Variants in APTX observed in about 807,000 individuals in gnomAD.
The protein encoded by APTX is forkhead-associated domain histidine triad-like protein.
Under a neutral mutation model 42.3 loss-of-function variants are expected in APTX, and 33 were observed. The ratio of observed to expected loss-of-function variants is 0.78; its 90% CI spans 0.59 to 1.04. The LOEUF is 1.04. Among genes scored for constraint, APTX ranks in the 50% least tolerant of loss-of-function variants. The probability of loss-of-function intolerance (pLI) is 0.00; values close to 1 mark genes in which losing one functional copy is unlikely to be tolerated. For missense variants in APTX, 421 were observed against 415.1 expected, an observed-to-expected ratio of 1.01 and a Z score of -0.12; for synonymous variants, 130 against 146.7, an observed-to-expected ratio of 0.89 and a Z score of 0.82.
At position 33,009,347 on chromosome 9, in the gene APTX, G is replaced by A. The variant is rs559443643; in HGVS notation, c.-5+15676C>T. Among the ~76,000 whole-genome samples, 9 of 152,216 alleles carry A rather than the reference G, an allele frequency of 5.9e-5. 1 individual carries two copies. Among genetic ancestry groups the A allele is most frequent in the Admixed American group, 5.9e-4 (9 of 15,288 alleles). On this transcript the variant is annotated intron_variant, in intron 1 of 6. Transcript: ENST00000436040. ...CCACCACCTCTTTAGTCCCAGCCTT[G>A]TACCAGCAATATTGAACTTCCTACC... is the stretch of plus-strand genomic sequence containing the variant.
At chr9:33,023,038 A>C (rs1838517512) in intron 1 of APTX, among the ~76,000 whole-genome samples, 1 of 152,132 alleles carries the variant, frequency 6.6e-6, no homozygotes, top group Non-Finnish European at 1.5e-5. Flanking sequence ...TATGTTGCTC[A>C]GGCTGGTCTC....
At chr9:33,019,966 T>G (rs1169817341) in intron 1 of APTX, 2 of 428,204 alleles carry the variant, frequency 4.7e-6, no homozygotes, top group Non-Finnish European at 8.6e-6. Flanking sequence ...GCCGCATTCC[T>G]GGCCCTTGGC....
At chr9:33,002,220 AG>A (rs1242632978), upstream of APTX, among the ~76,000 whole-genome samples, 1 of 152,180 alleles carries the variant, frequency 6.6e-6, no homozygotes, top group African/African-American at 2.4e-5. Context: ...AGTTATTCAA[AG>A]GCATTTTGGC....
At chr9:33,003,613 T>C (rs1026286507), upstream of APTX, among the ~76,000 whole-genome samples, 5 of 151,646 alleles carry the variant, frequency 3.3e-5, no homozygotes, top group African/African-American at 7.3e-5. Flanking sequence ...GCCTGGGCGA[T>C]AGAGCAAGAC....
In APTX at chr9:32,984,811, T is replaced by G; in HGVS notation, c.590A>C (p.Lys197Thr). The change falls in exon 6 of 8, where the codon AAG becomes ACG. Residue 197 changes from lysine to threonine, a missense_variant. By Grantham distance (78) the Lys-to-Thr change is moderately conservative. Transcript: ENST00000379817. ...QVVVIKDKYP[K>T]ARYHWLVLPW... is the part of the protein sequence containing the mutation. ...TAAGACCAGCCAATGGTAACGGGCCTTTGGGTATTTATCCTTTATCACCAC... is the reference window on the plus strand; with the variant it reads ...TAAGACCAGCCAATGGTAACGGGCCGTTGGGTATTTATCCTTTATCACCAC... 1.2e-6 allele frequency: 2 copies of G among 1,614,202 alleles called. No homozygotes were observed. The highest frequency in any genetic ancestry group is 1.7e-6 in the Non-Finnish European group (2 of 1,180,042).
At chr9:32,997,470 G>A (rs1835216443) in intron 1 of APTX, 1 of 152,198 alleles carries the variant, frequency 6.6e-6, no homozygotes, top group Admixed American at 6.5e-5. Context: ...GGAGGAAGGA[G>A]GTGTCAGGAA....
At chr9:32,973,709 A>G (rs1195490450) in intron 7 of APTX, 57 bp from the exon 8 acceptor site, 3 of 1,443,458 alleles carry the variant, frequency 2.1e-6, no homozygotes, top group Non-Finnish European at 2.7e-6. Flanking sequence ...AATATGAGAT[A>G]CCAAAAAAAA....
At position 33,001,547 on chromosome 9, in the gene APTX, T is replaced by A. The variant is rs763750837; in HGVS notation, c.-5+20A>T. 4.3e-6 allele frequency: 7 copies of A among 1,613,512 alleles called. No homozygotes were observed. In the Admixed American group the frequency reaches 8.3e-5, roughly 19 times the overall value. On this transcript the variant is annotated intron_variant, in intron 1 of 7. Coordinates refer to ENST00000379817, the MANE Select transcript of APTX (RefSeq NM_001195248.2). ...CATTGAGCCCAGCCAGCAGAAGAGA[T>A]AGGCTGACGACCGCCTTACCTCCAG...
chr9:33,001,382 G>A (rs1836417294), intron 1 of APTX, 185 bp downstream of exon 1: 1 of 1,531,374 alleles, frequency 6.5e-7, no homozygotes, highest in Non-Finnish European at 8.7e-7. Flanking sequence ...GAAGACCAAC[G>A]CGAGCGCCCG....
chr9:32,990,772 A>G (rs1295925555), intron 1 of APTX, among the ~76,000 whole-genome samples: 2 of 152,196 alleles, frequency 1.3e-5, no homozygotes, highest in African/African-American at 4.8e-5. Flanking sequence ...CTGCCAGAGA[A>G]CTAAGGACAT....
chr9:32,996,274 C>T (rs375355667), intron 1 of APTX, among the ~76,000 whole-genome samples: 197 of 94,932 alleles, frequency 2.1e-3, no homozygotes, highest in African/African-American at 6.8e-3. Flanking sequence ...CCAAATAAAT[C>T]GCTCTTTTTT....
intron 1 of APTX, among the ~76,000 whole-genome samples, chr9:32,990,734 C>A (rs887743943): frequency 1.3e-5 from 2 of 152,050 alleles, no homozygotes; most frequent in African/African-American, 2.4e-5. Flanking sequence ...TATTAATGTG[C>A]GGTTTTAAAG....
chr9:33,004,222 G>T (rs1297858126), upstream of APTX, among the ~76,000 whole-genome samples: 9 of 152,164 alleles, frequency 5.9e-5, no homozygotes, highest in Non-Finnish European at 8.8e-5. Flanking sequence ...CTAAGCTTTG[G>T]GTATGTAAAG....
chr9:32,974,503 T>C lies in APTX; in HGVS notation c.829A>G (p.Lys277Glu), dbSNP rs776634374. The C allele has an allele frequency of 6.2e-7, 1 of 1,612,626 alleles. No individual in the cohort carries two copies. The highest frequency in any genetic ancestry group is 1.1e-5 in the South Asian group (1 of 91,054). Reference sequence around the variant, plus strand: ...TCTGTATTGAAAGAATTCCAATGTTTTTTGTTTTTAAGGCAAGGAGAATCA... The same window carrying C: ...TCTGTATTGAAAGAATTCCAATGTTCTTTGTTTTTAAGGCAAGGAGAATCA... ...DFDSPCLKNK[K>E]HWNSFNTEYF... Residue 277 changes from lysine to glutamate, a missense_variant, in exon 7 of 8, where the codon AAA becomes GAA. Lys to Glu is a moderately conservative substitution (Grantham distance 56). Coordinates refer to ENST00000379817, the MANE Select transcript of APTX (RefSeq NM_001195248.2).
At chr9:33,018,024 A>T (rs1377988280) in intron 1 of APTX, among the ~76,000 whole-genome samples, 2 of 150,742 alleles carry the variant, frequency 1.3e-5, no homozygotes, top group African/African-American at 4.9e-5. Flanking sequence ...ATAACAAGAT[A>T]CCACTTTCAC....
At chr9:32,973,689 C>G in intron 7 of APTX, 37 bp from the exon 8 acceptor site, 1 of 1,599,254 alleles carries the variant, frequency 6.3e-7, no homozygotes, top group Non-Finnish European at 8.5e-7. Context: ...CCCAGCTACT[C>G]TGGAAAACCA....
At chr9:32,986,954 A>G (rs1026069690) in intron 4 of APTX, among the ~76,000 whole-genome samples, 1 of 152,068 alleles carries the variant, frequency 6.6e-6, no homozygotes, top group Non-Finnish European at 1.5e-5. Context: ...GATTACAAGC[A>G]TGTGTGTACC....
intron 1 of APTX, among the ~76,000 whole-genome samples, chr9:33,018,635 T>G (rs1181591201): frequency 6.7e-6 from 1 of 150,002 alleles, no homozygotes; most frequent in Non-Finnish European, 1.5e-5. Flanking sequence ...ATCCCAGCAC[T>G]TTGGCAGGCC....
intron 6 of APTX, among the ~76,000 whole-genome samples, chr9:32,982,796 C>G (rs563399686): frequency 6.6e-6 from 1 of 152,296 alleles, no homozygotes; most frequent in Admixed American, 6.5e-5. Context: ...AGGGGCTCTG[C>G]ATTAGGGAAA....
Sources: gnomAD v4.1 joint callset for allele counts (sites outside exome capture counted in the v4.1 genomes callset) on GRCh38, gnomAD v4.1.1 for gene constraint, MANE v1.5 for transcripts, NCBI Gene and HGNC (gene_info 2026-07-23, HGNC 2026-07-21) for gene names.